The following MIER2 variants were observed in gnomAD, a reference collection of about 807,000 sequenced individuals.
MIER2 encodes MIER family member 2.
In MIER2, 30 loss-of-function variants were observed where a neutral mutation model predicts 67.6. The observed-to-expected ratio is 0.44, with a 90% CI of 0.33 to 0.60. The LOEUF is 0.60. Among genes scored for constraint, MIER2 ranks in the 20% least tolerant of loss-of-function variants. The pLI, the probability that MIER2 is intolerant of heterozygous loss-of-function variation, is 0.02. For missense variants in MIER2, 702 were observed against 745.1 expected (o/e 0.94, Z 0.67); for synonymous variants, 372 against 312.6 (o/e 1.19, Z -2.00).
At chr19:337,577 G>A (rs534075422) in intron 1 of MIER2, among the ~76,000 whole-genome samples, 13 of 152,186 alleles carry the variant, frequency 8.5e-5, no homozygotes, top group Middle Eastern at 3.4e-3. Context: ...AATCAAGATC[G>A]GTAAGGAAGC....
chr19:321,192 T>G (rs1311793359), intron 7 of MIER2, among the ~76,000 whole-genome samples: 1 of 152,168 alleles, frequency 6.6e-6, no homozygotes, highest in Non-Finnish European at 1.5e-5. Flanking sequence ...CGAGTTTTGA[T>G]TTGCGGTTTC....
intron 7 of MIER2, among the ~76,000 whole-genome samples, chr19:314,285 G>A (rs939561566): frequency 6.6e-6 from 1 of 152,176 alleles, no homozygotes; most frequent in African/African-American, 2.4e-5. Flanking sequence ...TCACAGAGGG[G>A]AGGAAAAGTC....
intron 1 of MIER2, chr19:343,744 G>T: frequency 1.4e-6 from 1 of 719,820 alleles, no homozygotes; most frequent in South Asian, 6.2e-5. Flanking sequence ...CGTAACTTCT[G>T]CGCACAGAAG....
chr19:307,618 C>G, intron 12 of MIER2, 82 bp from the exon 13 acceptor site: 1 of 1,369,554 alleles, frequency 7.3e-7, no homozygotes, highest in African/African-American at 1.5e-5. Context: ...TTTGCTGGGT[C>G]CAGCAAAGCC....
intron 7 of MIER2, among the ~76,000 whole-genome samples, chr19:321,745 C>T (rs2145434051): frequency 6.6e-6 from 1 of 152,220 alleles, no homozygotes; most frequent in Admixed American, 6.5e-5. Flanking sequence ...AGAAGACTTG[C>T]ACCACCTCAG....
intron 3 of MIER2, among the ~76,000 whole-genome samples, chr19:333,670 C>CTAT (rs1972119017): frequency 1.1e-5 from 1 of 87,460 alleles, no homozygotes; most frequent in African/African-American, 4.9e-5. Context: ...TGCACCACCA[C>CTAT]GCCTGGCTAA....
chr19:338,398 G>A (rs1327012402), intron 1 of MIER2, among the ~76,000 whole-genome samples: 2 of 149,438 alleles, frequency 1.3e-5, no homozygotes, highest in African/African-American at 2.5e-5. Context: ...TGTGAAATGT[G>A]TACAGTACTC....
At chr19:330,500 G>A (rs1486647454) in intron 3 of MIER2, 2 of 148,128 alleles carry the variant, frequency 1.4e-5, no homozygotes, top group African/African-American at 5.0e-5. Flanking sequence ...AGTGAGCCAA[G>A]ATCGCGCCAC....
chr19:327,605 CAG>C (rs1347874501), intron 4 of MIER2, among the ~76,000 whole-genome samples: 1 of 152,228 alleles, frequency 6.6e-6, no homozygotes, highest in African/African-American at 2.4e-5. Context: ...TACGGAATGG[CAG>C]AGAGACCAGT....
chr19:344,093 G>A (rs960409200), intron 1 of MIER2: 2 of 985,448 alleles, frequency 2.0e-6, no homozygotes, highest in East Asian at 1.1e-4. Flanking sequence ...CTTGTTTCCT[G>A]GACGAGGGAG....
chr19:310,543 A>G (rs1411647442), intron 10 of MIER2, among the ~76,000 whole-genome samples: 2 of 47,862 alleles, frequency 4.2e-5, no homozygotes, highest in East Asian at 2.1e-3. Context: ...CACGGCCCGG[A>G]GCTGCAGAAA....
At chr19:338,173 A>G in intron 1 of MIER2, among the ~76,000 whole-genome samples, 1 of 94,688 alleles carries the variant, frequency 1.1e-5, no homozygotes, top group East Asian at 2.1e-4. Context: ...TCCATCTCAA[A>G]AAAAAAAAAA....
rs1016800497 is a variant in MIER2, at chr19:311,833, T to C, written c.984+12A>G. On this transcript the variant is annotated intron_variant, in intron 10 of 13. Coordinates refer to ENST00000264819, the MANE Select transcript of MIER2 (RefSeq NM_017550.3). ...AGAAGCCCCCGGTGGAGCCTGGCAGTGGAGTCCGCACCTTGTTGGCCTGGA... is the reference window on the plus strand; with the variant it reads ...AGAAGCCCCCGGTGGAGCCTGGCAGCGGAGTCCGCACCTTGTTGGCCTGGA... 1.2e-5 allele frequency: 19 copies of C among 1,613,634 alleles called. No homozygotes were observed. The highest frequency in any genetic ancestry group is 1.5e-5 in the Non-Finnish European group (18 of 1,179,736).
At chr19:320,612 T>C (rs11881923) in intron 7 of MIER2, among the ~76,000 whole-genome samples, 22,740 of 151,996 alleles carry the variant, frequency 0.15, 2,192 homozygotes, top group African/African-American at 0.26. Context: ...GGCATTAGAT[T>C]CTCATAGGAG....
Position 336,193 on chromosome 19 carries a change from G to C in MIER2, c.10-20C>G. The C allele has an allele frequency of 6.2e-7, 1 of 1,605,422 alleles. No homozygotes were observed. ...GGAGGCCTGCGAAGGAAGAGAGGCA[G>C]GGTTAGCTCGGCCGGCCCAAAACCT... On this transcript the variant is annotated intron_variant, in intron 1 of 13. Transcript: ENST00000264819.
chr19:328,842 G>C lies in MIER2; in HGVS notation c.244-853C>G, dbSNP rs181461185. Reference sequence around the variant, plus strand: ...ACACTCAGTCAAAAATGGGTAACCAGAGCAGCCCCCATCACGATCTGGAAC... The same window carrying C: ...ACACTCAGTCAAAAATGGGTAACCACAGCAGCCCCCATCACGATCTGGAAC... On this transcript the variant is annotated intron_variant, in intron 3 of 13. Transcript: ENST00000264819. Among the ~76,000 whole-genome samples the C allele has an allele frequency of 2.8e-3, 419 of 152,360 alleles. 3 individuals carry two copies. The highest frequency in any genetic ancestry group is 0.014 in the Middle Eastern group (4 of 294).
chr19:337,756 C>G (rs1479066028), intron 1 of MIER2, among the ~76,000 whole-genome samples: 2 of 151,390 alleles, frequency 1.3e-5, no homozygotes, highest in East Asian at 3.9e-4. Flanking sequence ...GTAATCCCAG[C>G]TACTCAGGAG....
chr19:310,216 A>G (rs555297769), intron 10 of MIER2, among the ~76,000 whole-genome samples: 3 of 152,316 alleles, frequency 2.0e-5, no homozygotes, highest in Non-Finnish European at 2.9e-5. Flanking sequence ...TGATGGCGGA[A>G]AAGACCCCCT....
chr19:316,977 T>G (rs962642795), intron 7 of MIER2, among the ~76,000 whole-genome samples: 1 of 151,984 alleles, frequency 6.6e-6, no homozygotes, highest in Non-Finnish European at 1.5e-5. Context: ...TCAAAAAAAA[T>G]GTAGACTGTG....
Sources: allele counts gnomAD v4.1 joint callset (sites outside exome capture counted in the v4.1 genomes callset), GRCh38; gene constraint gnomAD v4.1.1; transcripts MANE v1.5; gene names NCBI Gene and HGNC (gene_info 2026-07-23, HGNC 2026-07-21).